The following USH2A variants were observed in gnomAD, a reference collection of about 807,000 sequenced individuals.
USH2A encodes the protein Usher syndrome 2A (autosomal recessive, mild).
USH2A carries 443 observed loss-of-function variants against 538.9 expected under a neutral mutation model. The ratio of observed to expected loss-of-function variants is 0.82; its 90% CI spans 0.76 to 0.89. USH2A has a LOEUF of 0.89. Ranked by LOEUF, USH2A falls within the 40% of genes least tolerant of loss-of-function variation. The pLI, the probability that USH2A is intolerant of heterozygous loss-of-function variation, is 0.00. For synonymous variants in USH2A, 2,413 were observed against 2,273.5 expected (o/e 1.06, Z -1.75); for missense variants, 6,633 against 6,324.8 (o/e 1.05, Z -1.65).
At chr1:215,825,753 C>A (rs913597971) in intron 47 of USH2A, among the ~76,000 whole-genome samples, 2 of 152,128 alleles carry the variant, frequency 1.3e-5, no homozygotes, top group African/African-American at 4.8e-5. Flanking sequence ...ATGATCAGAA[C>A]ACTTTTAACA....
intron 4 of USH2A, among the ~76,000 whole-genome samples, chr1:216,344,995 C>A (rs2038147860): frequency 6.6e-6 from 1 of 151,414 alleles, no homozygotes; most frequent in Admixed American, 6.6e-5. Flanking sequence ...GGAGCTTTTT[C>A]CTCCCAAAAG....
intron 3 of USH2A, among the ~76,000 whole-genome samples, chr1:216,412,964 T>C (rs2039514269): frequency 1.3e-5 from 2 of 152,218 alleles, no homozygotes; most frequent in Non-Finnish European, 2.9e-5. Context: ...ATTGTATAAC[T>C]GCAAATATGT....
At chr1:215,814,370 A>T (rs972704047) in intron 48 of USH2A, among the ~76,000 whole-genome samples, 2 of 149,096 alleles carry the variant, frequency 1.3e-5, no homozygotes, top group Non-Finnish European at 3.0e-5. Flanking sequence ...AATTTTAATA[A>T]TGCCTTAAAC....
At chr1:216,064,130 G>C (rs1287041691) in intron 30 of USH2A, among the ~76,000 whole-genome samples, 1 of 152,144 alleles carries the variant, frequency 6.6e-6, no homozygotes, top group African/African-American at 2.4e-5. Flanking sequence ...CTGTCATACT[G>C]AATTGTTTAT....
At position 215,934,688 on chromosome 1, in the gene USH2A, C is replaced by A. The variant is rs772773350; in HGVS notation, c.7228G>T (p.Val2410Leu). The A allele has an allele frequency of 3.1e-6, 5 of 1,612,774 alleles. No homozygotes were observed. The highest frequency in any genetic ancestry group is 4.2e-6 in the Non-Finnish European group (5 of 1,179,146). The stretch of plus-strand genomic sequence containing the variant: ...TGGCTATTTGAAATATTCACTTGTA[C>A]AGTATAGTTGGTAAAAGGAACCAGC... The part of the protein sequence containing the change: ...DGLVPFTNYT[V>L]QVNISNSQGS... The change falls in exon 38 of 72, where the codon GTA becomes TTA. Residue 2410 changes from valine to leucine, a missense_variant. Coordinates refer to ENST00000307340, the MANE Select transcript of USH2A (RefSeq NM_206933.4).
chr1:215,631,477 TC>T (rs1656282534), intron 70 of USH2A, among the ~76,000 whole-genome samples: 1 of 152,216 alleles, frequency 6.6e-6, no homozygotes, highest in South Asian at 2.1e-4. Flanking sequence ...ACAATGTCTC[TC>T]ATGGTCTCCA....
intron 70 of USH2A, among the ~76,000 whole-genome samples, chr1:215,629,496 T>C (rs190040805): frequency 3.9e-5 from 6 of 152,328 alleles, no homozygotes; most frequent in Admixed American, 2.6e-4. Context: ...GGTGGTCCAC[T>C]ATGTGAGCTC....
chr1:216,021,328 T>C (rs1668840037), intron 32 of USH2A, among the ~76,000 whole-genome samples: 1 of 152,086 alleles, frequency 6.6e-6, no homozygotes, highest in Non-Finnish European at 1.5e-5. Flanking sequence ...ACTGTTCTCG[T>C]GGTAGTGAAT....
chr1:216,072,279 T>C (rs1327466623), intron 29 of USH2A, among the ~76,000 whole-genome samples: 4 of 152,202 alleles, frequency 2.6e-5, no homozygotes. Context: ...CAGTCAGAAG[T>C]ACAAAACAAG....
chr1:216,266,920 T>G (rs923950424), intron 11 of USH2A, among the ~76,000 whole-genome samples: 7 of 151,706 alleles, frequency 4.6e-5, no homozygotes, highest in African/African-American at 1.7e-4. Flanking sequence ...ATAAAGATAA[T>G]TAAATTCAAA....
chr1:216,388,522 T>G (rs956167499), intron 3 of USH2A, among the ~76,000 whole-genome samples: 1 of 152,168 alleles, frequency 6.6e-6, no homozygotes, highest in Admixed American at 6.6e-5. Context: ...AAATTACAAA[T>G]ACATAAGGGA....
chr1:216,316,525 G>A (rs1228679574), intron 9 of USH2A, among the ~76,000 whole-genome samples: 1 of 152,160 alleles, frequency 6.6e-6, no homozygotes, highest in Non-Finnish European at 1.5e-5. Flanking sequence ...GTTGTAGCAA[G>A]CCCAAGAGTG....
intron 43 of USH2A, among the ~76,000 whole-genome samples, chr1:215,871,801 A>G (rs1664628526): frequency 6.6e-6 from 1 of 152,202 alleles, no homozygotes; most frequent in Non-Finnish European, 1.5e-5. Flanking sequence ...CCAGCTGGGA[A>G]GTCTTCACGG....
intron 29 of USH2A, 23 bp downstream of exon 29, chr1:216,072,866 T>C (rs371826021): frequency 3.8e-6 from 6 of 1,594,806 alleles, no homozygotes; most frequent in African/African-American, 1.3e-5. Flanking sequence ...TGTGCACATA[T>C]GCATTTGAAG....
At position 215,878,574 on chromosome 1, in the gene USH2A, T is replaced by G. The variant is rs1202233136; in HGVS notation, c.8558+190A>C. 2.6e-5 allele frequency among the ~76,000 whole-genome samples: 4 copies of G among 152,338 alleles called. No homozygotes were observed. The East Asian group carries it at 7.7e-4, about 29-fold the overall frequency. On this transcript the variant is annotated intron_variant, in intron 42 of 71. Transcript: ENST00000307340. ...TTCAAGGGTTTTTAGTTCTTCAAATTGATAAACTTTGATGTTTCCATAATA... is the reference window on the plus strand; with the variant it reads ...TTCAAGGGTTTTTAGTTCTTCAAATGGATAAACTTTGATGTTTCCATAATA...
At chr1:216,250,311 A>G (rs1172867411) in intron 12 of USH2A, among the ~76,000 whole-genome samples, 2 of 152,350 alleles carry the variant, frequency 1.3e-5, no homozygotes, top group East Asian at 3.9e-4. Context: ...GCTGTTTATT[A>G]TAATCAACTT....
At chr1:215,808,231 A>G (rs747822830) in intron 49 of USH2A, among the ~76,000 whole-genome samples, 1 of 152,126 alleles carries the variant, frequency 6.6e-6, no homozygotes, top group Non-Finnish European at 1.5e-5. Context: ...TAATGGAAAT[A>G]TATTTGCTAT....
Position 215,786,853 on chromosome 1 carries a change from G to C in USH2A, c.10204C>G (p.Leu3402Val). ...GTGGCTTCCATAGATGCTGGGCAGA[G>C]GATCCTGCACTCTTTGGTTTCCTGA... is the stretch of plus-strand genomic sequence containing the variant. ...MMKETKECRI[L>V]CPASMEATEH... Residue 3402 changes from leucine to valine, a missense_variant, in exon 52 of 72, where the codon CTC (leucine) becomes GTC (valine). Physicochemically the swap from Leu to Val is conservative, Grantham distance 32 (BLOSUM62 1). Transcript: ENST00000307340. 2 of 1,613,898 alleles carry C rather than the reference G, an allele frequency of 1.2e-6. No individual in the cohort carries two copies. Among genetic ancestry groups the C allele is most frequent in the Non-Finnish European group, 1.7e-6 (2 of 1,179,898 alleles).
At chr1:216,174,338 G>A (rs1414439757) in intron 21 of USH2A, 1 of 982,006 alleles carries the variant, frequency 1.0e-6, no homozygotes, top group Non-Finnish European at 1.2e-6. Flanking sequence ...TTAAAAATTG[G>A]AAAAATGGTG....
Sources: gnomAD v4.1 joint callset for allele counts (sites outside exome capture counted in the v4.1 genomes callset) on GRCh38, gnomAD v4.1.1 for gene constraint, MANE v1.5 for transcripts, NCBI Gene and HGNC (gene_info 2026-07-23, HGNC 2026-07-21) for gene names.